RBBP8NL: variants seen among roughly 807,000 people sequenced by gnomAD.
RBBP8NL encodes RBBP8 N-terminal like.
RBBP8NL carries 59 observed loss-of-function variants against 62.2 expected under a neutral mutation model. The observed-to-expected ratio is 0.95, with a 90% CI of 0.77 to 1.18. The LOEUF (loss-of-function observed/expected upper bound fraction) is 1.18. Ranked by LOEUF, RBBP8NL falls within the 50% of genes most tolerant of loss-of-function variation. The probability of loss-of-function intolerance (pLI) is 0.00; values close to 1 mark genes in which losing one functional copy is unlikely to be tolerated. For synonymous variants in RBBP8NL, 412 were observed against 394.1 expected (o/e 1.05, Z -0.54); for missense variants, 896 against 899.5 (o/e 1.00, Z 0.05).
At chr20:62,423,417 T>G (rs2427329) in intron 1 of RBBP8NL, among the ~76,000 whole-genome samples, 17 of 152,094 alleles carry the variant, frequency 1.1e-4, no homozygotes, top group African/African-American at 3.9e-4. Context: ...AGGGGGCCCC[T>G]GGGAGGAAGA....
At chr20:62,426,215 C>T (rs1420653019) in intron 1 of RBBP8NL, among the ~76,000 whole-genome samples, 1 of 152,234 alleles carries the variant, frequency 6.6e-6, no homozygotes, top group Non-Finnish European at 1.5e-5. Context: ...TTAGCAGTGG[C>T]AGTGGCAGTG....
In RBBP8NL at chr20:62,416,775, G is replaced by A. The variant is rs751817374; in HGVS notation, c.298C>T (p.Arg100Cys). 80 of 1,585,720 alleles carry A rather than the reference G, an allele frequency of 5.0e-5. No homozygotes were observed. The highest frequency in any genetic ancestry group is 2.0e-4 in the African/African-American group (15 of 74,384). The change falls in exon 5 of 14, where the codon CGC (arginine) becomes TGC (cysteine). Residue 100 changes from arginine to cysteine, a missense_variant. Coordinates refer to ENST00000252998, the MANE Select transcript of RBBP8NL (RefSeq NM_080833.3). ...TGGGGCTCACTGAGGATGAAGATGC[G>A]CTGCAGGTTCTGCAGGTGGGAGCTC... ...FESSHLQNLQ[R>C]IFILTNEMNG...
intron 4 of RBBP8NL, 135 bp downstream of exon 4, chr20:62,417,089 C>T: frequency 1.4e-6 from 1 of 734,458 alleles, no homozygotes; most frequent in South Asian, 1.8e-5. Flanking sequence ...TCTGAGATGT[C>T]CTGCAGTGGG....
In RBBP8NL at chr20:62,414,263, T is replaced by C; in HGVS notation, c.1088A>G (p.Gln363Arg). 1 of 1,589,322 alleles carries C rather than the reference T, an allele frequency of 6.3e-7. No homozygotes were observed. The highest frequency in any genetic ancestry group is 8.5e-7 in the Non-Finnish European group (1 of 1,169,748). Residue 363 changes from glutamine to arginine, a missense_variant, in exon 10 of 14, where the codon CAG becomes CGG. Gln to Arg is a conservative substitution (Grantham distance 43, BLOSUM62 1). Coordinates refer to ENST00000252998, the MANE Select transcript of RBBP8NL (RefSeq NM_080833.3). ...GCCTGCCCTGGCCCTAGCCCGCAGC[T>C]GCTGCTGGGCCAGGAGCAGGTGCAG... ...GALHLLLAQQ[Q>R]LRARARAGSV...
intron 11 of RBBP8NL, 82 bp downstream of exon 11, chr20:62,413,319 C>T: frequency 7.4e-7 from 1 of 1,352,828 alleles, no homozygotes; most frequent in Non-Finnish European, 9.6e-7. Flanking sequence ...ACACCCACTC[C>T]TGGTGGGCAC....
intron 13 of RBBP8NL, 122 bp downstream of exon 13, chr20:62,412,502 T>C: frequency 7.5e-7 from 1 of 1,332,444 alleles, no homozygotes; most frequent in South Asian, 1.3e-5. Context: ...GGTTCATTTT[T>C]GGCTCCATCA....
chr20:62,422,780 A>AGGGGTGTGGGAC (rs1348713506), intron 1 of RBBP8NL, among the ~76,000 whole-genome samples: 20 of 152,184 alleles, frequency 1.3e-4, no homozygotes, highest in African/African-American at 4.8e-4. Flanking sequence ...TGGGGCAGCA[A>AGGGGTGTGGGAC]GGGGTGTGGG....
Position 62,419,749 on chromosome 20 carries a change from G to A in RBBP8NL, c.-83-19C>T. On this transcript the variant is annotated intron_variant, in intron 1 of 13. Coordinates refer to ENST00000252998, the MANE Select transcript of RBBP8NL (RefSeq NM_080833.3). ...GTCCATCCTGAAGAGGAGGAAGAGG[G>A]GACAGGGATCCGCTCAGGAAGGGCT... The A allele has an allele frequency of 1.5e-6, 2 of 1,319,318 alleles. No homozygotes were observed. The highest frequency in any genetic ancestry group is 2.1e-6 in the Non-Finnish European group (2 of 933,182). The allele number at this position is 1,319,318 out of a possible 1,614,324, so 81.7% of individuals were successfully genotyped here. A position where few individuals can be genotyped will look rare whatever the true frequency, so the allele number is the denominator to read the frequency against.
rs752837907 is a variant in RBBP8NL, at chr20:62,413,921, G to A, written c.1430C>T (p.Pro477Leu). ...PAAAHTASPEPPTQSGPLTRS... is the reference protein window; with the variant it reads ...PAAAHTASPELPTQSGPLTRS... ...AGTCAGGGGTCCGGACTGGGTGGGT[G>A]GCTCGGGGCTGGCAGTGTGGGCAGC... Residue 477 changes from proline to leucine, a missense_variant, in exon 10 of 14, where the codon CCA becomes CTA. By Grantham distance (98) the Pro-to-Leu change is moderately conservative. Coordinates refer to ENST00000252998, the MANE Select transcript of RBBP8NL (RefSeq NM_080833.3). 1 of 1,591,812 alleles carries A rather than the reference G, an allele frequency of 6.3e-7. No individual in the cohort carries two copies. The highest frequency in any genetic ancestry group is 1.1e-5 in the South Asian group (1 of 87,904).
At chr20:62,415,034 G>C in intron 9 of RBBP8NL, 87 bp downstream of exon 9, 1 of 1,318,040 alleles carries the variant, frequency 7.6e-7, no homozygotes, top group Non-Finnish European at 1.0e-6. Flanking sequence ...GGCTGTGAGG[G>C]ATAATCAGAG....
At chr20:62,413,374 G>C in intron 11 of RBBP8NL, 27 bp downstream of exon 11, 9 of 1,401,108 alleles carry the variant, frequency 6.4e-6, no homozygotes, top group Non-Finnish European at 8.4e-6. Context: ...CTCCCAGCTG[G>C]ACTCTGACCC....
intron 5 of RBBP8NL, 58 bp from the exon 6 acceptor site, chr20:62,416,294 T>TGGGGTGGGGGGGGTGGGGGGGGGGGGGG: frequency 1.9e-6 from 1 of 515,306 alleles, no homozygotes; most frequent in Non-Finnish European, 3.8e-6. Context: ...GGGGCAGGGG[T>TGGGGTGGGGGGGGTGGGGGGGGGGGGGG]GGGGTCGTCA....
At chr20:62,411,748 C>T (rs1207578525) in intron 13 of RBBP8NL, among the ~76,000 whole-genome samples, 1 of 152,232 alleles carries the variant, frequency 6.6e-6, no homozygotes, top group Non-Finnish European at 1.5e-5. Flanking sequence ...CAGGTAGGAG[C>T]ACAAGGGTGT....
intron 1 of RBBP8NL, among the ~76,000 whole-genome samples, chr20:62,420,720 G>A (rs999224296): frequency 1.3e-5 from 2 of 152,210 alleles, no homozygotes; most frequent in African/African-American, 4.8e-5. Context: ...GCCCGGAAGC[G>A]GCTCCCACAC....
intron 2 of RBBP8NL, among the ~76,000 whole-genome samples, chr20:62,418,893 A>G (rs907228455): frequency 3.3e-5 from 5 of 152,112 alleles, no homozygotes; most frequent in Non-Finnish European, 7.4e-5. Flanking sequence ...GGGCCTGGCT[A>G]GCCCCAGCAG....
At position 62,415,302 on chromosome 20, in the gene RBBP8NL, G is replaced by T; in HGVS notation, c.628-15C>A. 1 of 1,562,194 alleles carries T rather than the reference G, an allele frequency of 6.4e-7. No individual in the cohort carries two copies. The highest frequency in any genetic ancestry group is 8.6e-7 in the Non-Finnish European group (1 of 1,162,398). On this transcript the variant is annotated splice_polypyrimidine_tract_variant and intron_variant, in intron 8 of 13. Transcript: ENST00000252998. ...CGCTGGGGGCTCTGTGAGGATGGGT[G>T]GGTCAGCCTGGGCGGGGGCATGCGT...
chr20:62,417,017 C>CTA (rs2146440848), intron 4 of RBBP8NL, 145 bp from the exon 5 acceptor site: 1 of 738,950 alleles, frequency 1.4e-6, no homozygotes, highest in African/African-American at 1.8e-5. Flanking sequence ...ACCCCGTGGG[C>CTA]TAGGTGTCCC....
chr20:62,410,786 C>T lies in RBBP8NL; in HGVS notation c.*92G>A, dbSNP rs1988415123. 1.1e-5 allele frequency: 9 copies of T among 843,348 alleles called. No homozygotes were observed. The Admixed American group carries it at 1.2e-4, about 11-fold the overall frequency. The allele number at this position is 843,348 out of a possible 1,614,324, so 52.2% of individuals were successfully genotyped here. A position where few individuals can be genotyped will look rare whatever the true frequency, so the allele number is the denominator to read the frequency against. ...TCTTCTCCCAGGGTTCTGTGCAGGG[C>T]TGCCTGCTGGTTGGATGGTGTGCCC... On this transcript the variant is annotated 3_prime_UTR_variant, in exon 14 of 14. Transcript: ENST00000252998.
chr20:62,418,830 C>A (rs13037826), intron 2 of RBBP8NL, among the ~76,000 whole-genome samples: 1 of 152,174 alleles, frequency 6.6e-6, no homozygotes, highest in Non-Finnish European at 1.5e-5. Context: ...AGATAAGCTT[C>A]TGGGGCGGAC....
Sources: gnomAD v4.1 joint callset for allele counts (sites outside exome capture counted in the v4.1 genomes callset) on GRCh38, gnomAD v4.1.1 for gene constraint, MANE v1.5 for transcripts, NCBI Gene and HGNC (gene_info 2026-07-23, HGNC 2026-07-21) for gene names.